The following NAV2 variants were observed in gnomAD, a reference collection of about 807,000 sequenced individuals.
NAV2 encodes the protein helicase, APC down-regulated 1.
In NAV2, 54 loss-of-function variants were observed where a neutral mutation model predicts 223.2. The observed-to-expected ratio is 0.24, with a 90% CI of 0.19 to 0.30. NAV2 has a LOEUF of 0.30. NAV2 is among the 10% of genes least tolerant of loss of function. NAV2 has a pLI of 1.00. For synonymous variants in NAV2, 1,279 were observed against 1,239.3 expected (o/e 1.03, Z -0.67); for missense variants, 2,806 against 3,147.5 (o/e 0.89, Z 2.60).
intron 1 of NAV2, among the ~76,000 whole-genome samples, chr11:19,724,516 A>C (rs1463363881): frequency 2.0e-5 from 3 of 152,188 alleles, no homozygotes; most frequent in African/African-American, 7.2e-5. Context: ...CCTGGCCCAG[A>C]ATGAGTGTTC....
At chr11:19,879,830 A>G (rs752463918) in intron 4 of NAV2, 39 bp from the exon 5 acceptor site, 32 of 1,612,984 alleles carry the variant, frequency 2.0e-5, no homozygotes, top group Non-Finnish European at 2.4e-5. Flanking sequence ...CAGGAAGAAG[A>G]GCTCCCCATC....
At chr11:20,095,651 T>C (rs1481019395) in intron 29 of NAV2, 21 bp from the exon 30 acceptor site, 3 of 1,560,146 alleles carry the variant, frequency 1.9e-6, no homozygotes, top group Non-Finnish European at 2.7e-6. Context: ...TTTTCACCTG[T>C]GTACATTTCC....
chr11:19,993,387 G>A (rs2153470360), intron 11 of NAV2, among the ~76,000 whole-genome samples: 1 of 152,288 alleles, frequency 6.6e-6, no homozygotes, highest in African/African-American at 2.4e-5. Flanking sequence ...CTTCTGTCTG[G>A]AAATGACCCA....
At chr11:19,481,405 C>T (rs575263503) in intron 1 of NAV2, among the ~76,000 whole-genome samples, 2 of 152,070 alleles carry the variant, frequency 1.3e-5, no homozygotes, top group African/African-American at 2.4e-5. Flanking sequence ...CTGTAAAAGC[C>T]CCTGAGCCTC....
chr11:19,743,675 C>A (rs1490962496), intron 1 of NAV2, among the ~76,000 whole-genome samples: 1 of 152,278 alleles, frequency 6.6e-6, no homozygotes, highest in African/African-American at 2.4e-5. Flanking sequence ...AGAGCTACCT[C>A]TCCAGCCCCA....
chr11:19,360,345 CTCTTGGTAATTTTCCACCCACTGA>C (rs1279884610), intron 1 of NAV2, among the ~76,000 whole-genome samples: 2 of 152,144 alleles, frequency 1.3e-5, no homozygotes, highest in African/African-American at 4.8e-5. Flanking sequence ...TTGACATGTC[CTCTTGGTAATTTTCCACCCACTGA>C]TCCCCTGTCA....
intron 1 of NAV2, among the ~76,000 whole-genome samples, chr11:19,449,998 C>T (rs568206507): frequency 4.1e-4 from 62 of 152,184 alleles, no homozygotes; most frequent in African/African-American, 1.4e-3. Context: ...GAAGGGATGC[C>T]GATCTGAAAA....
chr11:19,720,147 G>C (rs911802041), intron 1 of NAV2, among the ~76,000 whole-genome samples: 2 of 152,222 alleles, frequency 1.3e-5, no homozygotes, highest in Non-Finnish European at 2.9e-5. Context: ...GCTGCCCAAT[G>C]GTGCTTTACC....
chr11:19,769,150 A>G (rs2055493861), intron 1 of NAV2, among the ~76,000 whole-genome samples: 1 of 152,212 alleles, frequency 6.6e-6, no homozygotes, highest in Non-Finnish European at 1.5e-5. Flanking sequence ...TTTGAAAAAT[A>G]TAAAACCAGG....
intron 11 of NAV2, among the ~76,000 whole-genome samples, chr11:20,000,336 A>C (rs757567517): frequency 1.5e-4 from 23 of 152,354 alleles, no homozygotes; most frequent in South Asian, 4.1e-4. Context: ...CATGGAGCCA[A>C]GCTATAATTC....
intron 2 of NAV2, among the ~76,000 whole-genome samples, chr11:19,836,413 C>T (rs1051620140): frequency 1.3e-5 from 2 of 151,822 alleles, no homozygotes; most frequent in African/African-American, 4.8e-5. Flanking sequence ...AAAAATTAGC[C>T]GGGCGCGGTG....
At position 20,093,230 on chromosome 11, in the gene NAV2, G is replaced by A. The variant is rs2060985065; in HGVS notation, c.5916+31G>A. ...TTGGATCCCTTTCCCTGCTTTGCCT[G>A]TCCCTCCCCCAGGTAGAACTACCTA... On this transcript the variant is annotated intron_variant, in intron 29 of 37. Transcript: ENST00000349880. The A allele has an allele frequency of 2.1e-6, 3 of 1,454,402 alleles. No individual in the cohort carries two copies. In the South Asian group the frequency reaches 3.4e-5, roughly 17 times the overall value. The allele number at this position is 1,454,402 out of a possible 1,614,324, so 90.1% of individuals were successfully genotyped here.
chr11:20,093,151 G>A lies in NAV2; in HGVS notation c.5868G>A (p.Arg1956=). The change falls in exon 29 of 38, where the codon AGG becomes AGA. Residue 1956 remains arginine (R), a synonymous_variant. Transcript: ENST00000349880. ...GECSARKEGG[R]HVKIVVSFQE... is the part of the protein sequence containing the mutation. ...GCTCGGCTCGGAAGGAAGGAGGCAG[G>A]CATGTTAAGATAGTTGTCAGCTTTC... The A allele has an allele frequency of 6.2e-7, 1 of 1,614,100 alleles. No homozygotes were observed. Among genetic ancestry groups the A allele is most frequent in the South Asian group, 1.1e-5 (1 of 91,070 alleles).
chr11:19,741,247 A>G (rs531486865), intron 1 of NAV2, among the ~76,000 whole-genome samples: 1 of 152,304 alleles, frequency 6.6e-6, no homozygotes, highest in African/African-American at 2.4e-5. Flanking sequence ...ATCATCTCAT[A>G]TAAGTATCTT....
chr11:19,369,168 G>A (rs897093792), intron 1 of NAV2, among the ~76,000 whole-genome samples: 6 of 152,140 alleles, frequency 3.9e-5, no homozygotes, highest in Non-Finnish European at 8.8e-5. Flanking sequence ...ATGTAATTAT[G>A]GTTCTTTAAA....
In NAV2 at chr11:19,776,178, A is replaced by C. The variant is rs574030957; in HGVS notation, c.268-56306A>C. 3.3e-5 allele frequency among the ~76,000 whole-genome samples: 5 copies of C among 152,316 alleles called. No homozygotes were observed. In the East Asian group the frequency reaches 9.6e-4, roughly 29 times the overall value. On this transcript the variant is annotated intron_variant, in intron 1 of 37. Transcript: ENST00000349880. ...GTCATGGCTGCCCAAATCAGAAACA[A>C]GTTCCGAGGTCTGGGTGGCTAGTGC...
At chr11:19,471,980 G>A (rs541386541) in intron 1 of NAV2, among the ~76,000 whole-genome samples, 1 of 152,332 alleles carries the variant, frequency 6.6e-6, no homozygotes, top group South Asian at 2.1e-4. Context: ...AACAGATCAA[G>A]GGATAACGTG....
intron 11 of NAV2, among the ~76,000 whole-genome samples, chr11:20,012,691 AG>A (rs1228791101): frequency 0.044 from 106 of 2,424 alleles, no homozygotes; most frequent in South Asian, 0.25. Context: ...AAAAAAAAAA[AG>A]AAGGGGGAAA....
chr11:19,920,286 T>C (rs926768071), intron 6 of NAV2, among the ~76,000 whole-genome samples: 11 of 152,218 alleles, frequency 7.2e-5, no homozygotes, highest in Non-Finnish European at 1.5e-4. Flanking sequence ...ATAAACCTGT[T>C]AAATTATTAT....
Sources: allele counts gnomAD v4.1 joint callset (sites outside exome capture counted in the v4.1 genomes callset), GRCh38; gene constraint gnomAD v4.1.1; transcripts MANE v1.5; gene names NCBI Gene and HGNC (gene_info 2026-07-23, HGNC 2026-07-21).